Variants in RNF220 observed in about 807,000 individuals in gnomAD.
RNF220 encodes E3 ubiquitin-protein ligase RNF220.
A neutral mutation model predicts 67.1 loss-of-function variants in RNF220; 7 were observed. That is an observed-to-expected ratio of 0.10 (90% CI 0.06 to 0.20). The LOEUF (loss-of-function observed/expected upper bound fraction) is 0.20. Ranked by LOEUF, RNF220 falls within the 10% of genes least tolerant of loss-of-function variation. The probability of loss-of-function intolerance (pLI) is 1.00; values close to 1 mark genes in which losing one functional copy is unlikely to be tolerated. For synonymous variants in RNF220, 270 were observed against 283.2 expected, an observed-to-expected ratio of 0.95 and a Z score of 0.47; for missense variants, 565 against 740.3, an observed-to-expected ratio of 0.76 and a Z score of 2.75.
chr1:44,467,215 T>C (rs973865478), intron 2 of RNF220, among the ~76,000 whole-genome samples: 1 of 152,172 alleles, frequency 6.6e-6, no homozygotes, highest in Admixed American at 6.5e-5. Flanking sequence ...CTTTTTTTTT[T>C]CCTCTTTTCT....
intron 2 of RNF220, among the ~76,000 whole-genome samples, chr1:44,467,622 G>A (rs1654399782): frequency 6.6e-6 from 1 of 152,250 alleles, no homozygotes; most frequent in Admixed American, 6.5e-5. Flanking sequence ...GTTGTGGCTG[G>A]TTTGATCTTC....
chr1:44,406,805 G>A (rs535206637), intron 1 of RNF220, among the ~76,000 whole-genome samples: 3 of 152,240 alleles, frequency 2.0e-5, no homozygotes, highest in Non-Finnish European at 4.4e-5. Context: ...GAGCTTCCGT[G>A]TGGCCCCCCG....
At chr1:44,473,749 C>G (rs1655026122) in intron 2 of RNF220, among the ~76,000 whole-genome samples, 2 of 152,120 alleles carry the variant, frequency 1.3e-5, no homozygotes, top group South Asian at 4.1e-4. Flanking sequence ...AATATCGTAG[C>G]TATCTCATCC....
At chr1:44,540,394 G>A (rs1572821186) in intron 2 of RNF220, among the ~76,000 whole-genome samples, 1 of 152,190 alleles carries the variant, frequency 6.6e-6, no homozygotes, top group Non-Finnish European at 1.5e-5. Context: ...TTTGTAAAGC[G>A]TTGAACTGTA....
intron 2 of RNF220, among the ~76,000 whole-genome samples, chr1:44,571,830 C>A (rs1384988398): frequency 6.6e-6 from 1 of 152,226 alleles, no homozygotes; most frequent in Non-Finnish European, 1.5e-5. Context: ...GCTCCCATTT[C>A]ATTAAATGGC....
At chr1:44,495,135 G>C (rs1557980894) in intron 2 of RNF220, among the ~76,000 whole-genome samples, 1 of 151,954 alleles carries the variant, frequency 6.6e-6, no homozygotes, top group Non-Finnish European at 1.5e-5. Flanking sequence ...ATCACTTGAG[G>C]CTGGGAGGTT....
At chr1:44,553,426 A>C (rs1007238020) in intron 2 of RNF220, among the ~76,000 whole-genome samples, 1 of 152,148 alleles carries the variant, frequency 6.6e-6, no homozygotes, top group African/African-American at 2.4e-5. Context: ...CATGGCATCC[A>C]GCTACCCAGT....
chr1:44,554,017 G>A (rs558749292), intron 2 of RNF220, among the ~76,000 whole-genome samples: 33 of 152,296 alleles, frequency 2.2e-4, no homozygotes, highest in Non-Finnish European at 4.1e-4. Flanking sequence ...CTCTCCTCTC[G>A]TTCTCTAATG....
Position 44,622,912 on chromosome 1 carries a change from CAACTATCTCCAGGTCTTG to C in RNF220, c.804+129_804+146del. ...CTATCTCCAGCTTTTCTAATATCCTCAACTATCTCCAGGTCTTGAACATCATCCTGAGGCCTAGGGCTG... is the reference window on the plus strand; with the variant it reads ...CTATCTCCAGCTTTTCTAATATCCTCAACATCATCCTGAGGCCTAGGGCTG... On this transcript the variant is annotated intron_variant, in intron 4 of 14. Coordinates refer to ENST00000361799, the MANE Select transcript of RNF220 (RefSeq NM_018150.4). This position sits in a 1 kb window ranked among gnomAD's most constrained non-coding sequence, Gnocchi z 4.3. 1 of 775,556 alleles carries C rather than the reference CAACTATCTCCAGGTCTTG, an allele frequency of 1.3e-6. No homozygotes were observed. The highest frequency in any genetic ancestry group is 2.2e-6 in the Non-Finnish European group (1 of 448,938). The allele number at this position is 775,556 out of a possible 1,614,324, so 48.0% of individuals were successfully genotyped here.
chr1:44,448,555 T>C lies in RNF220; in HGVS notation c.625+35833T>C, dbSNP rs572972967. On this transcript the variant is annotated intron_variant, in intron 2 of 14. Transcript: ENST00000361799. ...TTGATGACACTGATGAAAAATCTTA[T>C]TTGGTTTGAAACCTTGATGCTTTTA... Among the ~76,000 whole-genome samples the C allele has an allele frequency of 5.1e-4, 78 of 152,350 alleles. 2 individuals carry two copies. The highest frequency in any genetic ancestry group is 1.8e-3 in the African/African-American group (74 of 41,592).
At chr1:44,532,952 T>C (rs1388546726) in intron 2 of RNF220, among the ~76,000 whole-genome samples, 1 of 152,226 alleles carries the variant, frequency 6.6e-6, no homozygotes, top group Non-Finnish European at 1.5e-5. Flanking sequence ...GCAGCTGCGT[T>C]GCTCTGTAGG....
Position 44,651,126 on chromosome 1 carries a change from C to T in RNF220, c.*351C>T, listed in dbSNP as rs976248403. 1.6e-5 allele frequency: 6 copies of T among 370,286 alleles called. No homozygotes were observed. Among genetic ancestry groups the T allele is most frequent in the East Asian group, 6.0e-5 (1 of 16,790 alleles). The allele number at this position is 370,286 out of a possible 1,614,324, so 22.9% of individuals were successfully genotyped here. A position where few individuals can be genotyped will look rare whatever the true frequency, so the allele number is the denominator to read the frequency against. On this transcript the variant is annotated 3_prime_UTR_variant, in exon 15 of 15. Coordinates refer to ENST00000361799, the MANE Select transcript of RNF220 (RefSeq NM_018150.4). ...AGACGGACAGACAGACATGCAAACA[C>T]CAGACTGAAGCACATGTAATATAGA...
At chr1:44,481,576 C>A (rs959666701) in intron 2 of RNF220, among the ~76,000 whole-genome samples, 14 of 152,016 alleles carry the variant, frequency 9.2e-5, no homozygotes, top group Non-Finnish European at 1.3e-4. Context: ...GAGGATGGGT[C>A]AATAGGAGCA....
chr1:44,540,542 TCTCA>T (rs1177140576), intron 2 of RNF220, among the ~76,000 whole-genome samples: 2 of 152,160 alleles, frequency 1.3e-5, no homozygotes, highest in Non-Finnish European at 2.9e-5. Context: ...TTGCGTTCCC[TCTCA>T]CTCACTCCCC....
intron 2 of RNF220, among the ~76,000 whole-genome samples, chr1:44,517,095 C>T (rs1659512353): frequency 6.6e-6 from 1 of 152,194 alleles, no homozygotes; most frequent in African/African-American, 2.4e-5. Flanking sequence ...TCCCTTCTCC[C>T]CAGCTTGCCT....
Position 44,650,852 on chromosome 1 carries a change from T to G in RNF220, c.*77T>G. The G allele has an allele frequency of 1.5e-6, 2 of 1,314,760 alleles. 1 individual carries two copies. Among genetic ancestry groups the G allele is most frequent in the Non-Finnish European group, 2.2e-6 (2 of 917,182 alleles). 81.4% of individuals were successfully genotyped at this position (1,314,760 alleles called of 1,614,324 possible). On this transcript the variant is annotated 3_prime_UTR_variant, in exon 15 of 15. Coordinates refer to ENST00000361799, the MANE Select transcript of RNF220 (RefSeq NM_018150.4). This position sits in a 1 kb window ranked among gnomAD's most constrained non-coding sequence, Gnocchi z 4.3. ...CTCTGTGACAGTGACCGTCTCCCTT[T>G]GTACATACTTGCACACAGGTTCCCC...
In RNF220 at chr1:44,635,606, C is replaced by T; in HGVS notation, c.993+18C>T. 1.9e-6 allele frequency: 3 copies of T among 1,614,198 alleles called. No individual in the cohort carries two copies. Among genetic ancestry groups the T allele is most frequent in the Non-Finnish European group, 1.7e-6 (2 of 1,180,012 alleles). Reference sequence around the variant, plus strand: ...AAGGGCAGGTATGTCCCCTGTGCAACCGCCCCCTGGCAGGATCGGAGCAGG... The same window carrying T: ...AAGGGCAGGTATGTCCCCTGTGCAATCGCCCCCTGGCAGGATCGGAGCAGG... On this transcript the variant is annotated intron_variant, in intron 7 of 14. Coordinates refer to ENST00000361799, the MANE Select transcript of RNF220 (RefSeq NM_018150.4).
chr1:44,431,221 C>T lies in RNF220; in HGVS notation c.625+18499C>T, dbSNP rs147370352. 3.0e-3 allele frequency among the ~76,000 whole-genome samples: 449 copies of T among 152,120 alleles called. 1 individual carries two copies. The highest frequency in any genetic ancestry group is 8.9e-3 in the African/African-American group (369 of 41,494). ...TTAAAAATGAAATAAGACGGCCGGG[C>T]GAGGTGGCTCATGCCTGTAATCCCA... On this transcript the variant is annotated intron_variant, in intron 2 of 14. Transcript: ENST00000361799.
chr1:44,632,071 G>C (rs1644152643), intron 5 of RNF220: 4 of 1,149,624 alleles, frequency 3.5e-6, no homozygotes, highest in Non-Finnish European at 4.3e-6. Context: ...CCGGGCGGCC[G>C]TGGGGCCCAG....
Sources: gnomAD v4.1 joint callset for allele counts (sites outside exome capture counted in the v4.1 genomes callset) on GRCh38, gnomAD v4.1.1 for gene constraint, Gnocchi (gnomAD v3.1) non-coding constraint, MANE v1.5 for transcripts, NCBI Gene and HGNC (gene_info 2026-07-23, HGNC 2026-07-21) for gene names.